Variants in RNF130 observed in about 807,000 individuals in gnomAD.
RNF130 encodes ring finger protein 130.
RNF130 carries 21 observed loss-of-function variants against 44.6 expected under a neutral mutation model. That is an observed-to-expected ratio of 0.47 (90% CI 0.33 to 0.68). RNF130 has a LOEUF of 0.68. RNF130 is among the 30% of genes least tolerant of loss of function. The probability of loss-of-function intolerance (pLI) is 0.02; values close to 1 mark genes in which losing one functional copy is unlikely to be tolerated. For missense variants in RNF130, 479 were observed against 560.6 expected, an observed-to-expected ratio of 0.85 and a Z score of 1.47; for synonymous variants, 214 against 210.4, an observed-to-expected ratio of 1.02 and a Z score of -0.15.
chr5:180,056,264 A>C (rs1474601733), intron 1 of RNF130, among the ~76,000 whole-genome samples: 1 of 152,090 alleles, frequency 6.6e-6, no homozygotes, highest in African/African-American at 2.4e-5. Context: ...AAAAAAAAAA[A>C]AACCCTAATA....
intron 2 of RNF130, among the ~76,000 whole-genome samples, chr5:180,020,153 C>T (rs1763839244): frequency 6.6e-6 from 1 of 152,128 alleles, no homozygotes. Context: ...TGATGAGGCC[C>T]AGGGAGCAGC....
At chr5:179,968,493 C>A (rs36750) in intron 6 of RNF130, among the ~76,000 whole-genome samples, 128 of 151,352 alleles carry the variant, frequency 8.5e-4, no homozygotes, top group South Asian at 3.8e-3. Flanking sequence ...TGGGGAAACC[C>A]CATCTCTACT....
intron 7 of RNF130, among the ~76,000 whole-genome samples, chr5:179,942,292 A>G (rs1294231801): frequency 6.6e-6 from 1 of 151,994 alleles, no homozygotes; most frequent in African/African-American, 2.4e-5. Flanking sequence ...AAGGTTTTAA[A>G]TAACTGAAAC....
chr5:180,038,525 C>A (rs1764329976), intron 2 of RNF130, among the ~76,000 whole-genome samples: 1 of 151,750 alleles, frequency 6.6e-6, no homozygotes, highest in South Asian at 2.1e-4. Flanking sequence ...TCTCAGAGAC[C>A]CAAAAATGTT....
chr5:179,963,823 T>C (rs1271121151), intron 7 of RNF130: 5 of 461,138 alleles, frequency 1.1e-5, no homozygotes, highest in African/African-American at 3.9e-5. Flanking sequence ...CTGTGAGGAG[T>C]GTAGCCACCA....
intron 1 of RNF130, among the ~76,000 whole-genome samples, chr5:180,062,546 T>C (rs1416544429): frequency 1.3e-5 from 2 of 152,196 alleles, no homozygotes; most frequent in East Asian, 1.9e-4. Flanking sequence ...GGAATATTAA[T>C]AGACAAATGC....
intron 5 of RNF130, 23 bp downstream of exon 5, chr5:179,978,180 T>C: frequency 6.3e-7 from 1 of 1,585,652 alleles, no homozygotes; most frequent in South Asian, 1.1e-5. Flanking sequence ...TCATTCTTTC[T>C]CAAACAAATG....
In RNF130 at chr5:179,966,799, C is replaced by T; in HGVS notation, c.1150+7G>A. 6.2e-7 allele frequency: 1 copy of T among 1,611,860 alleles called. No homozygotes were observed. The highest frequency in any genetic ancestry group is 8.5e-7 in the Non-Finnish European group (1 of 1,178,968). ...TGCCCTGTGCCTGAGCGGAGGCCCC[C>T]ACTTACTTGTTACTGCAATGTTGAT... On this transcript the variant is annotated splice_region_variant and intron_variant, in intron 7 of 8. Transcript: ENST00000521389.
At chr5:179,915,177 A>G (rs1761524829) in exon 8 of RNF130, 1 of 150,442 alleles carries the variant, frequency 6.6e-6, no homozygotes, top group African/African-American at 2.5e-5. Context: ...AAAATACAAA[A>G]AATTAGCTGG....
chr5:180,044,205 TTTC>T (rs1178977416), intron 1 of RNF130, among the ~76,000 whole-genome samples: 3 of 152,192 alleles, frequency 2.0e-5, no homozygotes, highest in Admixed American at 2.0e-4. Context: ...TACTTCCGTT[TTTC>T]TTACCTGCCA....
intron 6 of RNF130, 112 bp downstream of exon 6, chr5:179,970,298 T>C: frequency 1.4e-6 from 1 of 704,170 alleles, no homozygotes; most frequent in Non-Finnish European, 2.3e-6. Context: ...ATATAGCCAG[T>C]GTTTTCTTCT....
chr5:179,985,669 A>C (rs1028759656), intron 3 of RNF130, among the ~76,000 whole-genome samples: 4 of 152,078 alleles, frequency 2.6e-5, no homozygotes, highest in African/African-American at 9.7e-5. Flanking sequence ...GCAATTAAAA[A>C]CCGGCAGATG....
chr5:180,016,992 T>C (rs1465274468), intron 2 of RNF130, among the ~76,000 whole-genome samples: 1 of 152,262 alleles, frequency 6.6e-6, no homozygotes, highest in Non-Finnish European at 1.5e-5. Context: ...TTCAGGTATC[T>C]GTGGTGATGA....
At chr5:180,004,875 A>G (rs943070066) in intron 3 of RNF130, among the ~76,000 whole-genome samples, 5 of 152,244 alleles carry the variant, frequency 3.3e-5, no homozygotes, top group African/African-American at 7.2e-5. Context: ...TCTTTCCCCA[A>G]TGCAAAGTGC....
chr5:180,065,358 C>A (rs1385318679), intron 1 of RNF130, among the ~76,000 whole-genome samples: 1 of 152,176 alleles, frequency 6.6e-6, no homozygotes, highest in Non-Finnish European at 1.5e-5. Flanking sequence ...AAATTTAACA[C>A]AATCGTAGTT....
chr5:179,976,127 C>T (rs1762711413), intron 5 of RNF130, among the ~76,000 whole-genome samples: 1 of 152,018 alleles, frequency 6.6e-6, no homozygotes, highest in African/African-American at 2.4e-5. Context: ...TCAGAGCGGC[C>T]TGGGCAACAT....
At chr5:179,967,757 T>C (rs1017458883) in intron 6 of RNF130, among the ~76,000 whole-genome samples, 1 of 152,204 alleles carries the variant, frequency 6.6e-6, no homozygotes. Flanking sequence ...TGTATGTTTA[T>C]AGAGAGAAGT....
chr5:179,968,336 C>T (rs959747461), intron 6 of RNF130, among the ~76,000 whole-genome samples: 3 of 150,784 alleles, frequency 2.0e-5, no homozygotes, highest in South Asian at 2.1e-4. Flanking sequence ...CGGCGGCTAG[C>T]GGTAACAACA....
At chr5:179,938,934 A>G (rs950953668) in intron 7 of RNF130, among the ~76,000 whole-genome samples, 1 of 152,198 alleles carries the variant, frequency 6.6e-6, no homozygotes, top group African/African-American at 2.4e-5. Context: ...AAGGATCAAA[A>G]GTGCATACAC....
Sources: allele counts gnomAD v4.1 joint callset (sites outside exome capture counted in the v4.1 genomes callset), GRCh38; gene constraint gnomAD v4.1.1; transcripts MANE v1.5; gene names NCBI Gene and HGNC (gene_info 2026-07-23, HGNC 2026-07-21).